VAV2: variants seen among roughly 807,000 people sequenced by gnomAD.
VAV2 encodes vav guanine nucleotide exchange factor 2.
A neutral mutation model predicts 132.5 loss-of-function variants in VAV2; 67 were observed. The observed-to-expected ratio is 0.51, with a 90% CI of 0.42 to 0.62. The LOEUF is 0.62. Ranked by LOEUF, VAV2 falls within the 20% of genes least tolerant of loss-of-function variation. The pLI is 0.00. For missense variants in VAV2, 938 were observed against 1,153.6 expected, an observed-to-expected ratio of 0.81 and a Z score of 2.71; for synonymous variants, 492 against 443.5, an observed-to-expected ratio of 1.11 and a Z score of -1.37.
intron 2 of VAV2, among the ~76,000 whole-genome samples, chr9:133,903,035 A>G (rs1270880477): frequency 6.7e-6 from 1 of 150,060 alleles, no homozygotes; most frequent in Non-Finnish European, 1.5e-5. Flanking sequence ...AGATCAGGCC[A>G]CTGCACTCCA....
At position 133,935,135 on chromosome 9, in the gene VAV2, A is replaced by G. The variant is rs913136037; in HGVS notation, c.321+3968T>C. On this transcript the variant is annotated intron_variant, in intron 2 of 29. Transcript: ENST00000371850. This position sits in a 1 kb window ranked among gnomAD's most constrained non-coding sequence, Gnocchi z 5.2. The stretch of plus-strand genomic sequence containing the variant: ...TGGGCAGGCCAAGGGTGGGAGGAAC[A>G]GGGGGAGGGCACGCAGCCATATCTT... Among the ~76,000 whole-genome samples the G allele has an allele frequency of 6.6e-6, 1 of 151,930 alleles. No homozygotes were observed. Among genetic ancestry groups the G allele is most frequent in the Non-Finnish European group, 1.5e-5 (1 of 67,962 alleles).
At chr9:133,775,320 A>G (rs2488560) in intron 24 of VAV2, among the ~76,000 whole-genome samples, 145,889 of 152,280 alleles carry the variant, frequency 0.96, 70,185 homozygotes, top group East Asian at 1. Flanking sequence ...GACTGTGGCC[A>G]CCAGCCAGTC....
chr9:133,819,777 G>A (rs1275457827), intron 4 of VAV2, among the ~76,000 whole-genome samples: 1 of 152,180 alleles, frequency 6.6e-6, no homozygotes, highest in Non-Finnish European at 1.5e-5. Context: ...CACTGGGAGA[G>A]ATGGGTTCCT....
intron 1 of VAV2, among the ~76,000 whole-genome samples, chr9:133,974,719 ACTCCCTG>A (rs1355120054): frequency 6.6e-6 from 1 of 151,588 alleles, no homozygotes; most frequent in Non-Finnish European, 1.5e-5. Context: ...AAATCCACAC[ACTCCCTG>A]CGCCCTGCAC....
rs539785640 is a variant in VAV2 at position 133,788,819 on chromosome 9, C to A, written c.1275-333G>T. Among the ~76,000 whole-genome samples the A allele has an allele frequency of 6.6e-6, 1 of 152,220 alleles. No individual in the cohort carries two copies. The highest frequency in any genetic ancestry group is 1.9e-4 in the East Asian group (1 of 5,182). On this transcript the variant is annotated intron_variant, in intron 14 of 29. Coordinates refer to ENST00000371850, the MANE Select transcript of VAV2 (RefSeq NM_001134398.2). This position sits in a 1 kb window ranked among gnomAD's most constrained non-coding sequence, Gnocchi z 5.3. ...GTTGATCCCGCGCTGGACTGGGAGC[C>A]TCAAGAGGGTGGGACCCAGATCTGC...
At chr9:133,801,543 G>C (rs913318553) in intron 9 of VAV2, among the ~76,000 whole-genome samples, 1 of 152,238 alleles carries the variant, frequency 6.6e-6, no homozygotes, top group South Asian at 2.1e-4. Context: ...CTGACCCAGG[G>C]GCAGAGCAGA....
At chr9:133,967,434 T>G (rs1842179864) in intron 1 of VAV2, among the ~76,000 whole-genome samples, 1 of 152,214 alleles carries the variant, frequency 6.6e-6, no homozygotes, top group South Asian at 2.1e-4. Flanking sequence ...AATCAGTGTT[T>G]GAGATATATC....
At chr9:133,792,226 T>G (rs62653634) in intron 12 of VAV2, among the ~76,000 whole-genome samples, 56,180 of 113,392 alleles carry the variant, frequency 0.5, 13,133 homozygotes, top group South Asian at 0.57. Context: ...GTTGTGCTGG[T>G]TGGGGTGTGT....
intron 3 of VAV2, among the ~76,000 whole-genome samples, chr9:133,855,307 G>A (rs985349587): frequency 2.6e-5 from 4 of 152,234 alleles, no homozygotes; most frequent in Admixed American, 2.0e-4. Flanking sequence ...GCCCATTCAC[G>A]GAGCCTCCGG....
chr9:133,927,266 G>A (rs986343759), intron 2 of VAV2, among the ~76,000 whole-genome samples: 1 of 152,098 alleles, frequency 6.6e-6, no homozygotes, highest in African/African-American at 2.4e-5. Context: ...GGCAGACAAC[G>A]CTAATCAATG....
intron 2 of VAV2, among the ~76,000 whole-genome samples, chr9:133,903,381 C>T (rs1839519563): frequency 1.3e-5 from 2 of 152,208 alleles, no homozygotes; most frequent in African/African-American, 4.8e-5. Context: ...CCATGCCCAC[C>T]CTGCACCGGG....
At chr9:133,979,540 A>G (rs1037266383) in intron 1 of VAV2, among the ~76,000 whole-genome samples, 2 of 152,264 alleles carry the variant, frequency 1.3e-5, no homozygotes, top group East Asian at 3.9e-4. Context: ...GGATGTTGAC[A>G]GGGAGGGAGG....
In VAV2 at chr9:133,926,000, C is replaced by CA. The variant is rs10555726; in HGVS notation, c.321+13102dup. 1.3e-3 allele frequency: 84 copies of CA among 63,822 alleles called. 8 individuals carry two copies. The highest frequency in any genetic ancestry group is 5.0e-3 in the African/African-American group (65 of 12,986). The allele number at this position is 63,822 out of a possible 1,614,324, so 4.0% of individuals were successfully genotyped here. ...AACTTAATTAACTGTGGACATGGAC[C>CA]AAAAAAAAAAAAAAAAAAAAAAAAA... On this transcript the variant is annotated intron_variant, in intron 2 of 29. Coordinates refer to ENST00000371850, the MANE Select transcript of VAV2 (RefSeq NM_001134398.2).
chr9:133,901,851 C>G (rs768850480), intron 2 of VAV2, among the ~76,000 whole-genome samples: 3 of 152,244 alleles, frequency 2.0e-5, no homozygotes, highest in Non-Finnish European at 4.4e-5. Context: ...CCGATGGGGT[C>G]AGTGGCAATG....
Position 133,795,681 on chromosome 9 carries a change from A to C in VAV2, c.1088T>G (p.Leu363Arg). The change falls in exon 12 of 30, where the codon CTG (leucine) becomes CGG (arginine). Residue 363 changes from leucine (L) to arginine (R), a missense_variant. Coordinates refer to ENST00000371850, the MANE Select transcript of VAV2 (RefSeq NM_001134398.2). The stretch of plus-strand genomic sequence containing the variant: ...TTACCCACACACCTGCATGGCTTCC[A>C]GTGCTTCTTTGAGCTGCTGCCTCTC... ...RPERQQLKEA[L>R]EAMQDLAMYI... 1 of 1,614,146 alleles carries C rather than the reference A, an allele frequency of 6.2e-7. No individual in the cohort carries two copies. The highest frequency in any genetic ancestry group is 8.5e-7 in the Non-Finnish European group (1 of 1,179,980).
chr9:133,766,156 G>A (rs914064601), intron 29 of VAV2, among the ~76,000 whole-genome samples: 3 of 152,120 alleles, frequency 2.0e-5, no homozygotes, highest in South Asian at 2.1e-4. Context: ...AGGTAAACAC[G>A]GGGTAAATCT....
chr9:133,766,276 C>T (rs896976499), intron 29 of VAV2, among the ~76,000 whole-genome samples: 8 of 152,202 alleles, frequency 5.3e-5, no homozygotes, highest in African/African-American at 1.9e-4. Flanking sequence ...AGTTTACAGT[C>T]CCATCAACAG....
At chr9:133,801,167 T>C (rs534209651) in intron 9 of VAV2, among the ~76,000 whole-genome samples, 1 of 152,198 alleles carries the variant, frequency 6.6e-6, no homozygotes, top group South Asian at 2.1e-4. Flanking sequence ...CTTCTATCCA[T>C]TTGATAAGAG....
chr9:133,939,042 C>G, intron 2 of VAV2, 61 bp downstream of exon 2: 1 of 1,503,832 alleles, frequency 6.6e-7, no homozygotes, highest in Non-Finnish European at 9.3e-7. Context: ...CCACCTGCCG[C>G]TGAGCCGGCA....
Sources: allele counts gnomAD v4.1 joint callset (sites outside exome capture counted in the v4.1 genomes callset), GRCh38; gene constraint gnomAD v4.1.1; non-coding constraint Gnocchi (gnomAD v3.1); transcripts MANE v1.5; gene names NCBI Gene and HGNC (gene_info 2026-07-23, HGNC 2026-07-21).